GRIN2B: variants seen among roughly 807,000 people sequenced by gnomAD.
GRIN2B encodes glutamate ionotropic receptor NMDA type subunit 2B, also known as glutamate receptor ionotropic, NMDA 2B.
GRIN2B carries 5 observed loss-of-function variants against 114.5 expected under a neutral mutation model. The ratio of observed to expected loss-of-function variants is 0.04; its 90% CI spans 0.02 to 0.09. The LOEUF (loss-of-function observed/expected upper bound fraction) is 0.09, where lower values mean the gene tolerates loss of function less well. Ranked by LOEUF, GRIN2B falls within the 10% of genes least tolerant of loss-of-function variation. GRIN2B has a pLI of 1.00. For missense variants in GRIN2B, 1,108 were observed against 1,943.5 expected (o/e 0.57, Z 8.08); for synonymous variants, 787 against 745.1 (o/e 1.06, Z -0.92).
chr12:13,875,989 G>A (rs969709670), intron 2 of GRIN2B, among the ~76,000 whole-genome samples: 1 of 152,250 alleles, frequency 6.6e-6, no homozygotes, highest in African/African-American at 2.4e-5. Context: ...TATCATGTGA[G>A]AGGGCTGTGA....
At chr12:13,828,150 A>G (rs1454808160) in intron 3 of GRIN2B, among the ~76,000 whole-genome samples, 1 of 152,254 alleles carries the variant, frequency 6.6e-6, no homozygotes, top group Non-Finnish European at 1.5e-5. Context: ...CCTGTTTAAA[A>G]TGTGAGACCT....
intron 3 of GRIN2B, among the ~76,000 whole-genome samples, chr12:13,787,584 GA>G (rs960885821): frequency 1.3e-5 from 2 of 151,866 alleles, no homozygotes; most frequent in Non-Finnish European, 2.9e-5. Flanking sequence ...ATGGGCGGAA[GA>G]AAAAAAGCAA....
At chr12:13,636,360 A>G (rs1242122134) in intron 5 of GRIN2B, among the ~76,000 whole-genome samples, 1 of 152,178 alleles carries the variant, frequency 6.6e-6, no homozygotes, top group African/African-American at 2.4e-5. Context: ...GGCTTTGGGT[A>G]TTCTGTATGT....
At chr12:13,903,693 C>A (rs1038332630) in intron 2 of GRIN2B, among the ~76,000 whole-genome samples, 1 of 151,904 alleles carries the variant, frequency 6.6e-6, no homozygotes, top group African/African-American at 2.4e-5. Flanking sequence ...TATTTGGTAG[C>A]TTTTTACTAG....
chr12:13,922,880 C>T (rs925579423), intron 2 of GRIN2B, among the ~76,000 whole-genome samples: 1 of 152,138 alleles, frequency 6.6e-6, no homozygotes. Flanking sequence ...CTATGCTGGG[C>T]CAAAAGGATG....
chr12:13,952,075 T>C (rs1371006339), intron 2 of GRIN2B, among the ~76,000 whole-genome samples: 2 of 151,684 alleles, frequency 1.3e-5, no homozygotes, highest in Non-Finnish European at 2.9e-5. Flanking sequence ...TTTTTTTTGG[T>C]TGGGGGTGTG....
intron 2 of GRIN2B, among the ~76,000 whole-genome samples, chr12:13,916,296 A>T (rs1866718915): frequency 6.6e-6 from 1 of 152,182 alleles, no homozygotes; most frequent in Admixed American, 6.5e-5. Flanking sequence ...TTTCATTTTA[A>T]ATCAGGAAGT....
intron 3 of GRIN2B, among the ~76,000 whole-genome samples, chr12:13,772,247 C>T (rs1863920779): frequency 6.6e-6 from 1 of 152,170 alleles, no homozygotes; most frequent in Admixed American, 6.5e-5. Context: ...CATCAGGTTA[C>T]CTTCCTTTGC....
At chr12:13,681,364 G>A (rs757238577) in intron 4 of GRIN2B, among the ~76,000 whole-genome samples, 1 of 152,150 alleles carries the variant, frequency 6.6e-6, no homozygotes, top group Non-Finnish European at 1.5e-5. Context: ...CCCTAGTCCG[G>A]TGTTCTTTCC....
intron 4 of GRIN2B, among the ~76,000 whole-genome samples, chr12:13,710,409 T>G (rs1411045863): frequency 1.3e-5 from 2 of 152,006 alleles, no homozygotes; most frequent in Admixed American, 6.6e-5. Context: ...AAATAAAGGG[T>G]ATTCAATTAG....
chr12:13,546,147 A>C lies in GRIN2B; in HGVS notation c.*16636T>G, dbSNP rs1177882515. The C allele has an allele frequency of 6.6e-6, 1 of 152,186 alleles. No individual in the cohort carries two copies. The highest frequency in any genetic ancestry group is 1.5e-5 in the Non-Finnish European group (1 of 68,024). 9.4% of individuals were successfully genotyped at this position (152,186 alleles called of 1,614,324 possible). On this transcript the variant is annotated 3_prime_UTR_variant, in exon 14 of 14. Coordinates refer to ENST00000609686, the MANE Select transcript of GRIN2B (RefSeq NM_000834.5). ...GAAAAAAAAAGGTTCAGCTAACTCC[A>C]TTCCCCTGATATATTCAGTTCTCAG...
intron 4 of GRIN2B, among the ~76,000 whole-genome samples, chr12:13,676,510 G>T (rs990653386): frequency 2.0e-5 from 3 of 152,072 alleles, no homozygotes; most frequent in Non-Finnish European, 4.4e-5. Flanking sequence ...GCTTAAAGGG[G>T]ATAACTTAGG....
At chr12:13,595,297 A>G (rs1949057996) in intron 10 of GRIN2B, among the ~76,000 whole-genome samples, 1 of 152,040 alleles carries the variant, frequency 6.6e-6, no homozygotes, top group Non-Finnish European at 1.5e-5. Flanking sequence ...GATCGTTCTC[A>G]TGCCCTTTGC....
intron 4 of GRIN2B, among the ~76,000 whole-genome samples, chr12:13,740,098 ACT>A (rs1863255144): frequency 6.6e-6 from 1 of 151,984 alleles, no homozygotes; most frequent in African/African-American, 2.4e-5. Context: ...CCTGAACTCC[ACT>A]CTCTTAGTCT....
chr12:13,914,190 C>A (rs1016888512), intron 2 of GRIN2B, among the ~76,000 whole-genome samples: 2 of 152,116 alleles, frequency 1.3e-5, no homozygotes, highest in Non-Finnish European at 2.9e-5. Context: ...AATTGTCTCA[C>A]CTTTTCACTA....
At chr12:13,572,773 A>G (rs539115834) in intron 10 of GRIN2B, among the ~76,000 whole-genome samples, 89 of 152,294 alleles carry the variant, frequency 5.8e-4, no homozygotes, top group African/African-American at 2.0e-3. Flanking sequence ...CTCAGTGCCA[A>G]CTCATCTGTC....
intron 3 of GRIN2B, among the ~76,000 whole-genome samples, chr12:13,857,687 T>C (rs1005473584): frequency 6.6e-6 from 1 of 152,090 alleles, no homozygotes; most frequent in African/African-American, 2.4e-5. Flanking sequence ...CACAGTGTAC[T>C]ACACTGTCTG....
intron 2 of GRIN2B, among the ~76,000 whole-genome samples, chr12:13,939,888 T>C (rs188406672): frequency 2.0e-5 from 3 of 152,064 alleles, no homozygotes; most frequent in Non-Finnish European, 4.4e-5. Flanking sequence ...AAGAAACATA[T>C]CCAGCCCACA....
chr12:13,975,294 A>G (rs1385518192), intron 2 of GRIN2B, among the ~76,000 whole-genome samples: 1 of 152,244 alleles, frequency 6.6e-6, no homozygotes, highest in Non-Finnish European at 1.5e-5. Context: ...GCCCAGGTTT[A>G]CTGAATTAGA....
Sources: gnomAD v4.1 joint callset for allele counts (sites outside exome capture counted in the v4.1 genomes callset) on GRCh38, gnomAD v4.1.1 for gene constraint, MANE v1.5 for transcripts, NCBI Gene and HGNC (gene_info 2026-07-23, HGNC 2026-07-21) for gene names.